Variants in AGPS observed in about 807,000 individuals in gnomAD.
AGPS encodes the protein alkyldihydroxyacetonephosphate synthase, peroxisomal.
AGPS carries 26 observed loss-of-function variants against 90.7 expected under a neutral mutation model. The ratio of observed to expected loss-of-function variants is 0.29; its 90% CI spans 0.21 to 0.40. The LOEUF is 0.40. Ranked by LOEUF, AGPS falls within the 10% of genes least tolerant of loss-of-function variation. The pLI is 1.00. For missense variants in AGPS, 540 were observed against 816.1 expected, an observed-to-expected ratio of 0.66 and a Z score of 4.12; for synonymous variants, 294 against 285.3, an observed-to-expected ratio of 1.03 and a Z score of -0.31.
At chr2:177,451,221 G>T (rs1686940126) in intron 8 of AGPS, among the ~76,000 whole-genome samples, 1 of 151,892 alleles carries the variant, frequency 6.6e-6, no homozygotes, top group Non-Finnish European at 1.5e-5. Context: ...CTCCCAAAGT[G>T]TTGGGATTAT....
chr2:177,516,381 CA>C (rs1014110531), intron 17 of AGPS, among the ~76,000 whole-genome samples: 4 of 152,162 alleles, frequency 2.6e-5, no homozygotes. Context: ...GTAGGGAGCA[CA>C]AAAAAATTTT....
At chr2:177,492,972 A>G (rs1688311271) in intron 11 of AGPS, among the ~76,000 whole-genome samples, 176 bp from the exon 12 acceptor site, 1 of 152,186 alleles carries the variant, frequency 6.6e-6, no homozygotes. Flanking sequence ...ATTTTATAGA[A>G]GTCATTGATA....
chr2:177,539,764 A>G lies in AGPS; in HGVS notation c.*1569A>G, dbSNP rs552160004. On this transcript the variant is annotated 3_prime_UTR_variant, in exon 20 of 20. Transcript: ENST00000264167. ...CTCAAACTAATAAATCTGTAATTAAATTAGAATTAAATATCAGTTTAACAA... is the reference window on the plus strand; with the variant it reads ...CTCAAACTAATAAATCTGTAATTAAGTTAGAATTAAATATCAGTTTAACAA... 107 of 152,056 alleles carry G rather than the reference A, an allele frequency of 7.0e-4. No homozygotes were observed. In the Middle Eastern group the frequency reaches 0.01, roughly 15 times the overall value. The allele number at this position is 152,056 out of a possible 1,614,324, so 9.4% of individuals were successfully genotyped here. A position where few individuals can be genotyped will look rare whatever the true frequency, so the allele number is the denominator to read the frequency against.
chr2:177,519,620 T>A (rs1689122722), intron 17 of AGPS, among the ~76,000 whole-genome samples: 1 of 152,222 alleles, frequency 6.6e-6, no homozygotes, highest in Non-Finnish European at 1.5e-5. Flanking sequence ...CTGAACAGTG[T>A]CTTTGTTTTG....
At chr2:177,503,247 C>G (rs1688611887) in intron 14 of AGPS, among the ~76,000 whole-genome samples, 1 of 152,146 alleles carries the variant, frequency 6.6e-6, no homozygotes. Flanking sequence ...TCCATGTTTG[C>G]TAGTAATGTA....
At chr2:177,512,144 A>G (rs887275164) in intron 16 of AGPS, among the ~76,000 whole-genome samples, 11 of 151,962 alleles carry the variant, frequency 7.2e-5, no homozygotes, top group African/African-American at 2.7e-4. Flanking sequence ...ATATACGTTA[A>G]CTCTTATAAA....
At chr2:177,518,669 G>C (rs180768761) in intron 17 of AGPS, among the ~76,000 whole-genome samples, 4 of 99,526 alleles carry the variant, frequency 4.0e-5, no homozygotes, top group African/African-American at 1.7e-4. Context: ...TTTTCTGCCC[G>C]CCCCCCACCC....
rs560742425 is a variant in AGPS, at chr2:177,436,932, A to G, written c.562+48A>G. 23 of 1,610,892 alleles carry G rather than the reference A, an allele frequency of 1.4e-5. No individual in the cohort carries two copies. The South Asian group carries it at 2.2e-4, about 15-fold the overall frequency. The stretch of plus-strand genomic sequence containing the variant: ...TATTTATTTTTAACAAAAAAATTCT[A>G]TATTTTAAGCTGTTTTTGTGTTTTT... On this transcript the variant is annotated intron_variant, in intron 4 of 19. Transcript: ENST00000264167.
chr2:177,534,121 C>G (rs984416218), intron 19 of AGPS, among the ~76,000 whole-genome samples: 4 of 152,170 alleles, frequency 2.6e-5, no homozygotes, highest in African/African-American at 9.7e-5. Context: ...CTGGATTTAT[C>G]CCTTTTAGAT....
chr2:177,440,130 A>C (rs1177914895), intron 5 of AGPS, among the ~76,000 whole-genome samples: 1 of 152,176 alleles, frequency 6.6e-6, no homozygotes, highest in Non-Finnish European at 1.5e-5. Context: ...AGATATGTAA[A>C]TACTGTGTCA....
At chr2:177,491,712 A>T (rs1688265472) in intron 11 of AGPS, among the ~76,000 whole-genome samples, 1 of 150,128 alleles carries the variant, frequency 6.7e-6, no homozygotes, top group Admixed American at 6.7e-5. Flanking sequence ...TGTTTTAAAG[A>T]TTAAATACCC....
At chr2:177,461,549 A>G (rs567353745) in intron 8 of AGPS, among the ~76,000 whole-genome samples, 1 of 152,280 alleles carries the variant, frequency 6.6e-6, no homozygotes, top group African/African-American at 2.4e-5. Context: ...TGATCTCCAT[A>G]AATATTTAAA....
chr2:177,452,248 A>G (rs1198119990), intron 8 of AGPS, among the ~76,000 whole-genome samples: 2 of 152,088 alleles, frequency 1.3e-5, no homozygotes, highest in African/African-American at 2.4e-5. Context: ...TTTTCTGTCT[A>G]CTTGTTCTGT....
chr2:177,525,755 A>G (rs944410508), intron 19 of AGPS, among the ~76,000 whole-genome samples: 5 of 152,218 alleles, frequency 3.3e-5, no homozygotes, highest in Non-Finnish European at 5.9e-5. Context: ...AAATGACTGC[A>G]TGCATTACAG....
At chr2:177,498,659 A>G (rs1688477856) in intron 13 of AGPS, among the ~76,000 whole-genome samples, 1 of 150,972 alleles carries the variant, frequency 6.6e-6, no homozygotes, top group Non-Finnish European at 1.5e-5. Flanking sequence ...TACTATTTGT[A>G]TTTATTTCAA....
At chr2:177,432,379 A>T (rs973430230) in intron 2 of AGPS, among the ~76,000 whole-genome samples, 1 of 152,244 alleles carries the variant, frequency 6.6e-6, no homozygotes, top group Non-Finnish European at 1.5e-5. Context: ...AACAATTGGT[A>T]TAAGTGCTTA....
intron 1 of AGPS, among the ~76,000 whole-genome samples, chr2:177,405,545 A>T (rs1420845256): frequency 6.6e-6 from 1 of 152,092 alleles, no homozygotes; most frequent in East Asian, 1.9e-4. Flanking sequence ...CACACGTATC[A>T]CTCTTTTGAA....
intron 1 of AGPS, among the ~76,000 whole-genome samples, chr2:177,415,508 CTT>C (rs1384859680): frequency 6.6e-6 from 1 of 152,160 alleles, no homozygotes; most frequent in Non-Finnish European, 1.5e-5. Flanking sequence ...TGATTAATAA[CTT>C]ATTATATCAC....
intron 11 of AGPS, among the ~76,000 whole-genome samples, chr2:177,484,622 A>G (rs891405479): frequency 6.6e-6 from 1 of 152,134 alleles, no homozygotes; most frequent in African/African-American, 2.4e-5. Flanking sequence ...CTGGGATTAC[A>G]GTCGTGAGCC....
Sources: allele counts gnomAD v4.1 joint callset (sites outside exome capture counted in the v4.1 genomes callset), GRCh38; gene constraint gnomAD v4.1.1; transcripts MANE v1.5; gene names NCBI Gene and HGNC (gene_info 2026-07-23, HGNC 2026-07-21).